The following HK1 variants were observed in gnomAD, a reference collection of about 807,000 sequenced individuals.
HK1 encodes hexokinase-1.
In HK1, 28 loss-of-function variants were observed where a neutral mutation model predicts 91.6. That is an observed-to-expected ratio of 0.31 (90% CI 0.23 to 0.42). HK1 has a LOEUF of 0.42. Among genes scored for constraint, HK1 ranks in the 10% least tolerant of loss-of-function variants. The pLI is 1.00. For missense variants in HK1, 770 were observed against 1,219.8 expected, an observed-to-expected ratio of 0.63 and a Z score of 5.49; for synonymous variants, 430 against 468.1, an observed-to-expected ratio of 0.92 and a Z score of 1.05.
chr10:69,364,209 A>G (rs1849579257), intron 3 of HK1, among the ~76,000 whole-genome samples: 1 of 152,168 alleles, frequency 6.6e-6, no homozygotes, highest in Non-Finnish European at 1.5e-5. Flanking sequence ...TTACATGGAT[A>G]GCTGCAGCTT....
Position 69,279,541 on chromosome 10 carries a change from A to C in HK1, c.-390-2988A>C, listed in dbSNP as rs1032179964. On this transcript the variant is annotated intron_variant, in intron 1 of 21. Transcript: ENST00000360289. ...TGGTTAAATGAATGTATGAATGAACATATGTAGATCGAATGTTTGATGGGG... is the reference window on the plus strand; with the variant it reads ...TGGTTAAATGAATGTATGAATGAACCTATGTAGATCGAATGTTTGATGGGG... Among the ~76,000 whole-genome samples the C allele has an allele frequency of 2.0e-5, 3 of 152,360 alleles. No individual in the cohort carries two copies. In the South Asian group the frequency reaches 6.2e-4, roughly 32 times the overall value.
chr10:69,327,922 C>CCA (rs552876458), intron 1 of HK1, among the ~76,000 whole-genome samples: 58 of 152,316 alleles, frequency 3.8e-4, no homozygotes, highest in African/African-American at 1.2e-3. Flanking sequence ...GCTGAGATAT[C>CCA]TGCACTGGGG....
chr10:69,399,423 G>A (rs1840289000), intron 17 of HK1, among the ~76,000 whole-genome samples: 2 of 152,150 alleles, frequency 1.3e-5, no homozygotes, highest in Non-Finnish European at 2.9e-5. Flanking sequence ...GAGGGAAGAG[G>A]ATTGCTTGAG....
intron 3 of HK1, among the ~76,000 whole-genome samples, chr10:69,363,265 A>G (rs1251470009): frequency 6.6e-6 from 1 of 152,234 alleles, no homozygotes; most frequent in East Asian, 1.9e-4. Flanking sequence ...ATGGCTGCCA[A>G]AAGTGTATAT....
At chr10:69,320,050 C>A (rs1256162429) in intron 1 of HK1, among the ~76,000 whole-genome samples, 1 of 152,150 alleles carries the variant, frequency 6.6e-6, no homozygotes, top group Non-Finnish European at 1.5e-5. Flanking sequence ...GAGTGACAGG[C>A]CTTGATTTTC....
In HK1 at chr10:69,369,817, C is replaced by A. The variant is rs1476789513; in HGVS notation, c.875+193C>A. 6.6e-6 allele frequency among the ~76,000 whole-genome samples: 1 copy of A among 152,170 alleles called. No homozygotes were observed. Among genetic ancestry groups the A allele is most frequent in the Non-Finnish European group, 1.5e-5 (1 of 68,020 alleles). On this transcript the variant is annotated intron_variant, in intron 7 of 17. Transcript: ENST00000359426. This position sits in a 1 kb window ranked among gnomAD's most constrained non-coding sequence, Gnocchi z 4.4. Reference sequence around the variant, plus strand: ...GCAGTGGCTCAATCTCAGCTCATTGCAACCTCCACCTCCTGGGTTCAAGCG... The same window carrying A: ...GCAGTGGCTCAATCTCAGCTCATTGAAACCTCCACCTCCTGGGTTCAAGCG...
At chr10:69,376,347 C>A (rs1406676716) in intron 7 of HK1, among the ~76,000 whole-genome samples, 4 of 151,886 alleles carry the variant, frequency 2.6e-5, no homozygotes, top group Non-Finnish European at 5.9e-5. Flanking sequence ...GGAGACTCCC[C>A]CTCTACAAAA....
rs577661230 is a variant in HK1 at position 69,324,045 on chromosome 10, A to T, written c.63+5035A>T. Among the ~76,000 whole-genome samples, 286 of 152,056 alleles carry T rather than the reference A, an allele frequency of 1.9e-3. 1 individual carries two copies. The highest frequency in any genetic ancestry group is 6.6e-3 in the African/African-American group (274 of 41,462). On this transcript the variant is annotated intron_variant, in intron 1 of 17. Coordinates refer to ENST00000359426, the MANE Select transcript of HK1 (RefSeq NM_000188.3). ...GGCACCTGCTTATGGATTTGTTTTT[A>T]TTTTTTTATAGAGACAGGGTCTCAC...
intron 13 of HK1, among the ~76,000 whole-genome samples, chr10:69,387,865 CTG>C (rs1270888011): frequency 8.4e-6 from 1 of 119,144 alleles, no homozygotes; most frequent in Non-Finnish European, 1.7e-5. Context: ...CAGTAAGAGA[CTG>C]TTTTAAATTT....
At chr10:69,314,508 A>C (rs900327968), upstream of HK1, among the ~76,000 whole-genome samples, 1 of 152,156 alleles carries the variant, frequency 6.6e-6, no homozygotes, top group Non-Finnish European at 1.5e-5. Flanking sequence ...AAGATGCTCC[A>C]ATGGTTTAGG....
intron 13 of HK1, chr10:69,386,705 C>T (rs1361665297): frequency 1.7e-5 from 6 of 352,604 alleles, no homozygotes; most frequent in Non-Finnish European, 3.3e-5. Flanking sequence ...TCGCTTCAAC[C>T]CAGGAGGAGG....
At chr10:69,390,119 AG>A (rs1197414339) in intron 14 of HK1, among the ~76,000 whole-genome samples, 1 of 152,246 alleles carries the variant, frequency 6.6e-6, no homozygotes, top group African/African-American at 2.4e-5. Flanking sequence ...TCCAGGTGCC[AG>A]GAAGAACTTT....
chr10:69,312,384 G>GC (rs1014508976), upstream of HK1, among the ~76,000 whole-genome samples: 1 of 152,048 alleles, frequency 6.6e-6, no homozygotes, highest in African/African-American at 2.4e-5. Flanking sequence ...TTACAGGCTT[G>GC]CACCACCACG....
At chr10:69,314,017 G>A (rs964796724), upstream of HK1, among the ~76,000 whole-genome samples, 1 of 152,132 alleles carries the variant, frequency 6.6e-6, no homozygotes, top group African/African-American at 2.4e-5. Context: ...TCCAGGGGCT[G>A]GGTGGCCAGT....
upstream of HK1, among the ~76,000 whole-genome samples, chr10:69,313,608 G>A (rs371029696): frequency 4.6e-5 from 7 of 152,050 alleles, no homozygotes; most frequent in African/African-American, 1.4e-4. Flanking sequence ...GATTACAGGC[G>A]TACACCACCA....
Position 69,343,843 on chromosome 10 carries a change from A to T in HK1, c.80A>T (p.Tyr27Phe). The change falls in exon 2 of 18, where the codon TAT (tyrosine) becomes TTT (phenylalanine). Residue 27 changes from tyrosine (Y) to phenylalanine (F), a missense_variant. Physicochemically the swap from Tyr to Phe is conservative, Grantham distance 22 (BLOSUM62 3). Coordinates refer to ENST00000359426, the MANE Select transcript of HK1 (RefSeq NM_000188.3). ...DQVKKIDKYL[Y>F]AMRLSDETLI... is the part of the protein sequence containing the mutation. ...CCCCTCCAGATTGACAAGTATCTCT[A>T]TGCCATGCGGCTCTCCGATGAAACT... The T allele has an allele frequency of 6.2e-7, 1 of 1,613,504 alleles. No individual in the cohort carries two copies.
chr10:69,351,515 C>CA (rs1351334930), intron 2 of HK1, among the ~76,000 whole-genome samples: 2 of 147,586 alleles, frequency 1.4e-5, no homozygotes, highest in Non-Finnish European at 3.0e-5. Flanking sequence ...GTCTCAAAAA[C>CA]AAAAACAAAA....
chr10:69,302,776 T>A (rs1414477323), intron 5 of HK1, among the ~76,000 whole-genome samples: 1 of 149,954 alleles, frequency 6.7e-6, no homozygotes, highest in African/African-American at 2.4e-5. Context: ...AAAAAAAAAG[T>A]TTGTAGGTTT....
chr10:69,320,072 C>T (rs534127455), intron 1 of HK1, among the ~76,000 whole-genome samples: 1 of 152,116 alleles, frequency 6.6e-6, no homozygotes, highest in East Asian at 1.9e-4. Context: ...GCCCGGCAAG[C>T]CATAGGGTGT....
Sources: allele counts gnomAD v4.1 joint callset (sites outside exome capture counted in the v4.1 genomes callset), GRCh38; gene constraint gnomAD v4.1.1; non-coding constraint Gnocchi (gnomAD v3.1); transcripts MANE v1.5; gene names NCBI Gene and HGNC (gene_info 2026-07-23, HGNC 2026-07-21).